The following LRRTM4 variants were observed in gnomAD, a reference collection of about 807,000 sequenced individuals.
LRRTM4 encodes the protein leucine rich repeat transmembrane neuronal 4, also known as leucine-rich repeat transmembrane neuronal protein 4.
In LRRTM4, 25 loss-of-function variants were observed where a neutral mutation model predicts 47.6. The ratio of observed to expected loss-of-function variants is 0.53; its 90% CI spans 0.38 to 0.73. The LOEUF is 0.73. LRRTM4 is among the 30% of genes least tolerant of loss of function. LRRTM4 has a pLI of 0.00. For missense variants in LRRTM4, 638 were observed against 713.4 expected, an observed-to-expected ratio of 0.89 and a Z score of 1.20; for synonymous variants, 311 against 269.5, an observed-to-expected ratio of 1.15 and a Z score of -1.51.
chr2:76,748,992 AT>A (rs1436502681), intron 3 of LRRTM4, 76 bp from the exon 4 acceptor site: 3 of 1,216,948 alleles, frequency 2.5e-6, no homozygotes, highest in Non-Finnish European at 3.5e-6. Context: ...ATCAGGTTGT[AT>A]TTTTGTTCTC....
intron 3 of LRRTM4, among the ~76,000 whole-genome samples, chr2:77,168,661 C>G (rs1286551576): frequency 3.3e-5 from 5 of 152,126 alleles, no homozygotes; most frequent in African/African-American, 1.2e-4. Flanking sequence ...TTACTTCCAA[C>G]TGTATGTTTG....
In LRRTM4 at chr2:76,748,746, G is replaced by A; in HGVS notation, c.1722C>T (p.Thr574=). The A allele has an allele frequency of 6.2e-7, 1 of 1,613,912 alleles. No homozygotes were observed. The highest frequency in any genetic ancestry group is 8.5e-7 in the Non-Finnish European group (1 of 1,179,880). The part of the protein sequence containing the change: ...ELGRDHSFIA[T]IARSAAPAIY... ...TGGCCGGTGCTGCCGACCTGGCGATGGTGGCGATGAAGCTGTGGTCTCGGC... is the reference window on the plus strand; with the variant it reads ...TGGCCGGTGCTGCCGACCTGGCGATAGTGGCGATGAAGCTGTGGTCTCGGC... The change falls in exon 4 of 4, where the codon ACC becomes ACT. Residue 574 remains threonine (T), a synonymous_variant. Transcript: ENST00000409884.
intron 3 of LRRTM4, among the ~76,000 whole-genome samples, chr2:77,222,613 T>A (rs1424126922): frequency 6.6e-6 from 1 of 152,046 alleles, no homozygotes; most frequent in Non-Finnish European, 1.5e-5. Flanking sequence ...CTAGAAGAAA[T>A]GGATAAATTC....
chr2:77,223,308 A>T (rs1275883407), intron 3 of LRRTM4, among the ~76,000 whole-genome samples: 3 of 152,228 alleles, frequency 2.0e-5, no homozygotes, highest in Non-Finnish European at 4.4e-5. Flanking sequence ...CAAGACAGGG[A>T]TGGCCTCTCT....
intron 3 of LRRTM4, among the ~76,000 whole-genome samples, chr2:77,135,781 C>G (rs1232086019): frequency 6.6e-6 from 1 of 151,976 alleles, no homozygotes; most frequent in Non-Finnish European, 1.5e-5. Flanking sequence ...AGCTAGACCC[C>G]TGAAACTAAC....
At chr2:76,794,518 C>G (rs998479464) in intron 3 of LRRTM4, among the ~76,000 whole-genome samples, 1 of 152,058 alleles carries the variant, frequency 6.6e-6, no homozygotes, top group East Asian at 1.9e-4. Context: ...ATTTGCACCT[C>G]TTCTATATTC....
chr2:77,137,719 T>A (rs1018333559), intron 3 of LRRTM4, among the ~76,000 whole-genome samples: 1 of 152,030 alleles, frequency 6.6e-6, no homozygotes, highest in Non-Finnish European at 1.5e-5. Flanking sequence ...TGTGCTGTAT[T>A]CAGGAGACCC....
At chr2:77,111,838 A>G (rs1212502205) in intron 3 of LRRTM4, among the ~76,000 whole-genome samples, 1 of 152,204 alleles carries the variant, frequency 6.6e-6, no homozygotes, top group Non-Finnish European at 1.5e-5. Flanking sequence ...AGAAGAAAAA[A>G]AAATTGTATG....
chr2:76,832,173 T>C (rs186566043), intron 3 of LRRTM4, among the ~76,000 whole-genome samples: 74 of 152,234 alleles, frequency 4.9e-4, no homozygotes, highest in African/African-American at 1.6e-3. Context: ...TTTTATTTTA[T>C]CTTATTTGCC....
chr2:77,435,167 G>T (rs1675540451), intron 3 of LRRTM4, among the ~76,000 whole-genome samples: 1 of 151,956 alleles, frequency 6.6e-6, no homozygotes, highest in South Asian at 2.1e-4. Context: ...GGGGGCAAAA[G>T]AGCCCCTGGT....
At chr2:76,827,774 G>A (rs190453335) in intron 3 of LRRTM4, among the ~76,000 whole-genome samples, 13 of 151,826 alleles carry the variant, frequency 8.6e-5, no homozygotes, top group African/African-American at 2.2e-4. Flanking sequence ...AAGATACTAC[G>A]TGCTTATGGT....
chr2:77,105,124 A>G (rs1366126083), intron 3 of LRRTM4, among the ~76,000 whole-genome samples: 2 of 152,180 alleles, frequency 1.3e-5, no homozygotes, highest in Non-Finnish European at 2.9e-5. Flanking sequence ...ATTTAGAAAT[A>G]TGCCAATAAG....
At chr2:77,168,669 T>C (rs1355563120) in intron 3 of LRRTM4, among the ~76,000 whole-genome samples, 1 of 152,204 alleles carries the variant, frequency 6.6e-6, no homozygotes, top group Admixed American at 6.6e-5. Context: ...AACTGTATGT[T>C]TGTACTCATT....
chr2:77,160,686 T>G (rs922923411), intron 3 of LRRTM4, among the ~76,000 whole-genome samples: 1 of 152,090 alleles, frequency 6.6e-6, no homozygotes, highest in African/African-American at 2.4e-5. Context: ...AGAGTAGTCT[T>G]GATCATAGAC....
chr2:76,889,896 A>C lies in LRRTM4; in HGVS notation c.1552-140980T>G, dbSNP rs540392036. ...TGATTGCAAAAGCAAGCAATCAAGA[A>C]TTGCAAGCTATGGCCACAAGTATTG... is the stretch of plus-strand genomic sequence containing the variant. On this transcript the variant is annotated intron_variant, in intron 3 of 3. Coordinates refer to ENST00000409884, the MANE Select transcript of LRRTM4 (RefSeq NM_001134745.3). Among the ~76,000 whole-genome samples, 12 of 152,046 alleles carry C rather than the reference A, an allele frequency of 7.9e-5. No homozygotes were observed. In the East Asian group the frequency reaches 2.3e-3, roughly 29 times the overall value.
intron 3 of LRRTM4, among the ~76,000 whole-genome samples, chr2:76,966,243 G>C (rs1418155624): frequency 6.6e-6 from 1 of 151,316 alleles, no homozygotes; most frequent in Admixed American, 6.6e-5. Flanking sequence ...GAGGGGAGGA[G>C]AAAGGAGGAA....
chr2:77,368,583 A>C (rs1363887997), intron 3 of LRRTM4, among the ~76,000 whole-genome samples: 1 of 151,790 alleles, frequency 6.6e-6, no homozygotes, highest in Admixed American at 6.6e-5. Context: ...GCATGGATTC[A>C]AATCTATATG....
intron 3 of LRRTM4, among the ~76,000 whole-genome samples, chr2:77,446,771 A>G (rs147168068): frequency 0.013 from 2,027 of 152,144 alleles, 33 homozygotes; most frequent in African/African-American, 0.045. Flanking sequence ...TTCTCCCCTA[A>G]GACTACTCTG....
intron 3 of LRRTM4, among the ~76,000 whole-genome samples, chr2:77,363,489 C>T (rs1672319204): frequency 6.6e-6 from 1 of 152,152 alleles, no homozygotes; most frequent in South Asian, 2.1e-4. Flanking sequence ...TTCCTGTCAT[C>T]TCACTGAACA....
Sources: gnomAD v4.1 joint callset for allele counts (sites outside exome capture counted in the v4.1 genomes callset) on GRCh38, gnomAD v4.1.1 for gene constraint, MANE v1.5 for transcripts, NCBI Gene and HGNC (gene_info 2026-07-23, HGNC 2026-07-21) for gene names.